ST6GALNAC3: variants seen among roughly 807,000 people sequenced by gnomAD.
ST6GALNAC3 encodes alpha-N-acetylgalactosaminide alpha-2,6-sialyltransferase 3.
In ST6GALNAC3, 25 loss-of-function variants were observed where a neutral mutation model predicts 32.7. The observed-to-expected ratio is 0.76, with a 90% CI of 0.56 to 1.07. The LOEUF is 1.07. ST6GALNAC3 is among the 50% of genes least tolerant of loss of function. The pLI is 0.00. For synonymous variants in ST6GALNAC3, 129 were observed against 133.1 expected, an observed-to-expected ratio of 0.97 and a Z score of 0.21; for missense variants, 355 against 382.4, an observed-to-expected ratio of 0.93 and a Z score of 0.60.
At chr1:76,292,180 C>T (rs746080756) in intron 1 of ST6GALNAC3, among the ~76,000 whole-genome samples, 5 of 152,352 alleles carry the variant, frequency 3.3e-5, no homozygotes, top group Non-Finnish European at 5.9e-5. Context: ...CTTAATATTA[C>T]AGCAACATTG....
intron 3 of ST6GALNAC3, among the ~76,000 whole-genome samples, chr1:76,610,924 C>CG (rs1370913318): frequency 6.6e-6 from 1 of 152,136 alleles, no homozygotes; most frequent in African/African-American, 2.4e-5. Context: ...CGCCCAGCTA[C>CG]GTGCTAGGTA....
chr1:76,633,184 TTG>T lies in ST6GALNAC3; in HGVS notation c.*4380_*4381del, dbSNP rs1649383208. 1 of 152,164 alleles carries T rather than the reference TTG, an allele frequency of 6.6e-6. No individual in the cohort carries two copies. Among genetic ancestry groups the T allele is most frequent in the African/African-American group, 2.4e-5 (1 of 41,448 alleles). The allele number at this position is 152,164 out of a possible 1,614,324, so 9.4% of individuals were successfully genotyped here. ...AATGGCAGTACTGAGACTCAAATTCTTGTCTCATGTTTTCTTCTCTAGTGCTT... is the reference window on the plus strand; with the variant it reads ...AATGGCAGTACTGAGACTCAAATTCTTCTCATGTTTTCTTCTCTAGTGCTT... On this transcript the variant is annotated 3_prime_UTR_variant, in exon 5 of 5. Coordinates refer to ENST00000328299, the MANE Select transcript of ST6GALNAC3 (RefSeq NM_152996.4).
chr1:76,463,805 G>A (rs188678799), intron 3 of ST6GALNAC3, among the ~76,000 whole-genome samples: 159 of 152,140 alleles, frequency 1.0e-3, no homozygotes, highest in African/African-American at 3.6e-3. Flanking sequence ...GGTCAATATG[G>A]GCTGCAATCG....
intron 1 of ST6GALNAC3, among the ~76,000 whole-genome samples, chr1:76,085,066 G>A (rs1436716954): frequency 3.9e-5 from 6 of 151,954 alleles, no homozygotes; most frequent in Admixed American, 3.3e-4. Context: ...TGCAGCTCCT[G>A]AGTAAGAATG....
intron 3 of ST6GALNAC3, among the ~76,000 whole-genome samples, chr1:76,453,110 G>A (rs1657526889): frequency 6.6e-6 from 1 of 152,124 alleles, no homozygotes; most frequent in Middle Eastern, 3.4e-3. Flanking sequence ...ATATTTCTCT[G>A]TTGTCAGTTT....
intron 3 of ST6GALNAC3, among the ~76,000 whole-genome samples, chr1:76,526,715 T>C (rs1166702561): frequency 6.6e-6 from 1 of 152,160 alleles, no homozygotes; most frequent in Non-Finnish European, 1.5e-5. Context: ...ATAAAATTTC[T>C]TTAAAAGTTC....
chr1:76,324,315 C>G (rs1269182188), intron 2 of ST6GALNAC3, among the ~76,000 whole-genome samples: 1 of 152,172 alleles, frequency 6.6e-6, no homozygotes, highest in African/African-American at 2.4e-5. Context: ...CTCCTAGTGA[C>G]TCCCTTAATA....
chr1:76,360,598 G>T (rs905160081), intron 2 of ST6GALNAC3, among the ~76,000 whole-genome samples: 2 of 152,038 alleles, frequency 1.3e-5, no homozygotes, highest in Non-Finnish European at 2.9e-5. Flanking sequence ...AAAATACAAC[G>T]TGTTGAGATA....
At chr1:76,346,300 T>A (rs1648507921) in intron 2 of ST6GALNAC3, among the ~76,000 whole-genome samples, 1 of 152,126 alleles carries the variant, frequency 6.6e-6, no homozygotes, top group South Asian at 2.1e-4. Flanking sequence ...CAGGAGGTGG[T>A]GAAGCCAGGT....
intron 3 of ST6GALNAC3, among the ~76,000 whole-genome samples, chr1:76,524,920 TAACA>T (rs2101801771): frequency 6.6e-6 from 1 of 152,070 alleles, no homozygotes; most frequent in East Asian, 1.9e-4. Flanking sequence ...GGTTATCTCC[TAACA>T]TTTATATTTC....
At chr1:76,328,011 T>C (rs1647111369) in intron 2 of ST6GALNAC3, among the ~76,000 whole-genome samples, 1 of 152,224 alleles carries the variant, frequency 6.6e-6, no homozygotes, top group Non-Finnish European at 1.5e-5. Flanking sequence ...CTCAGAAATA[T>C]TCTTTGGGTT....
chr1:76,414,594 A>AT (rs1409769231), intron 3 of ST6GALNAC3, among the ~76,000 whole-genome samples: 1 of 152,116 alleles, frequency 6.6e-6, no homozygotes, highest in Non-Finnish European at 1.5e-5. Context: ...ATGAAGGAAA[A>AT]TGTCAAACTT....
intron 3 of ST6GALNAC3, among the ~76,000 whole-genome samples, chr1:76,434,971 A>G (rs997486758): frequency 6.6e-6 from 1 of 151,622 alleles, no homozygotes; most frequent in African/African-American, 2.4e-5. Context: ...TTGTATTTTT[A>G]GCAGAGACGG....
chr1:76,516,224 G>C (rs1361163344), intron 3 of ST6GALNAC3, among the ~76,000 whole-genome samples: 1 of 152,128 alleles, frequency 6.6e-6, no homozygotes, highest in African/African-American at 2.4e-5. Context: ...CCTTTCTGAT[G>C]TCAAATTCTT....
At chr1:76,263,342 C>T (rs1266753351) in intron 1 of ST6GALNAC3, among the ~76,000 whole-genome samples, 1 of 152,044 alleles carries the variant, frequency 6.6e-6, no homozygotes, top group African/African-American at 2.4e-5. Flanking sequence ...ATATTATATG[C>T]TAATATTTTT....
chr1:76,121,252 C>G (rs145391030), intron 1 of ST6GALNAC3, among the ~76,000 whole-genome samples: 8 of 152,332 alleles, frequency 5.3e-5, no homozygotes, highest in African/African-American at 1.9e-4. Flanking sequence ...CAAGGGATCA[C>G]CCGTTGTTCT....
At chr1:76,114,917 C>CAA (rs542571151) in intron 1 of ST6GALNAC3, among the ~76,000 whole-genome samples, 158 of 78,926 alleles carry the variant, frequency 2.0e-3, no homozygotes, top group Middle Eastern at 6.7e-3. Flanking sequence ...GACCTTGTCT[C>CAA]AAAAAAAAAA....
At chr1:76,447,233 G>T (rs900997253) in intron 3 of ST6GALNAC3, among the ~76,000 whole-genome samples, 4 of 152,146 alleles carry the variant, frequency 2.6e-5, no homozygotes, top group Non-Finnish European at 5.9e-5. Flanking sequence ...AAAGAGACTG[G>T]TGGCATTTTG....
At chr1:76,309,821 G>A (rs115935616) in intron 1 of ST6GALNAC3, among the ~76,000 whole-genome samples, 1 of 152,094 alleles carries the variant, frequency 6.6e-6, no homozygotes, top group Admixed American at 6.6e-5. Context: ...CTGCTCTCTG[G>A]TTGCTCCCTT....
Sources: allele counts gnomAD v4.1 joint callset (sites outside exome capture counted in the v4.1 genomes callset), GRCh38; gene constraint gnomAD v4.1.1; transcripts MANE v1.5; gene names NCBI Gene and HGNC (gene_info 2026-07-23, HGNC 2026-07-21).